RCOR1: variants seen among roughly 807,000 people sequenced by gnomAD.
The protein encoded by RCOR1 is REST corepressor 1.
In RCOR1, 12 loss-of-function variants were observed where a neutral mutation model predicts 64.0. The ratio of observed to expected loss-of-function variants is 0.19; its 90% confidence interval spans 0.12 to 0.30. The LOEUF (loss-of-function observed/expected upper bound fraction) is 0.30, where lower values mean the gene tolerates loss of function less well. Among genes scored for constraint, RCOR1 ranks in the 10% least tolerant of loss-of-function variants. The probability of loss-of-function intolerance (pLI) is 1.00; values close to 1 mark genes in which losing one functional copy is unlikely to be tolerated. For synonymous variants in RCOR1, 279 were observed against 227.2 expected (o/e 1.23, Z -2.05); for missense variants, 502 against 621.2 (o/e 0.81, Z 2.04).
At chr14:102,711,697 A>G (rs547312580) in intron 7 of RCOR1, among the ~76,000 whole-genome samples, 1 of 152,290 alleles carries the variant, frequency 6.6e-6, no homozygotes, top group South Asian at 2.1e-4. Flanking sequence ...TCCAAATTAT[A>G]AGAATAGTTA....
chr14:102,711,478 G>T (rs566459839), intron 7 of RCOR1, among the ~76,000 whole-genome samples: 2 of 152,198 alleles, frequency 1.3e-5, no homozygotes, highest in South Asian at 4.1e-4. Flanking sequence ...GTCACACCAG[G>T]GGGAGCCAGG....
intron 3 of RCOR1, among the ~76,000 whole-genome samples, chr14:102,693,068 C>G (rs1307736044): frequency 6.6e-6 from 1 of 152,184 alleles, no homozygotes; most frequent in African/African-American, 2.4e-5. Flanking sequence ...TCCCAGCCCA[C>G]ATCCCATTCT....
chr14:102,723,028 C>T (rs1896193433), intron 11 of RCOR1, among the ~76,000 whole-genome samples: 1 of 152,190 alleles, frequency 6.6e-6, no homozygotes, highest in African/African-American at 2.4e-5. Context: ...GTGTCAGGGG[C>T]ACCTGCCATT....
intron 2 of RCOR1, among the ~76,000 whole-genome samples, chr14:102,660,830 TTCATC>T (rs1373422690): frequency 6.6e-6 from 1 of 152,190 alleles, no homozygotes; most frequent in African/African-American, 2.4e-5. Context: ...TTTTCATCCT[TTCATC>T]TAAAAACATA....
intron 4 of RCOR1, among the ~76,000 whole-genome samples, chr14:102,702,948 G>A (rs1895779384): frequency 6.6e-6 from 1 of 152,170 alleles, no homozygotes; most frequent in South Asian, 2.1e-4. Context: ...TCTTAAAGAT[G>A]TTTTTAAAGA....
At chr14:102,607,378 A>G (rs1893533312) in intron 2 of RCOR1, among the ~76,000 whole-genome samples, 1 of 152,182 alleles carries the variant, frequency 6.6e-6, no homozygotes, top group Admixed American at 6.6e-5. Flanking sequence ...GAATTTGTAT[A>G]AATTGGAGAT....
intron 2 of RCOR1, among the ~76,000 whole-genome samples, chr14:102,671,339 T>G (rs1463282839): frequency 6.6e-6 from 1 of 152,156 alleles, no homozygotes; most frequent in African/African-American, 2.4e-5. Flanking sequence ...AAGCAGGTGT[T>G]CTAATGGCTG....
Position 102,593,156 on chromosome 14 carries a change from C to G in RCOR1, c.270C>G (p.Gly90=). The G allele has an allele frequency of 6.5e-7, 1 of 1,529,432 alleles. No individual in the cohort carries two copies. 94.7% of individuals were successfully genotyped at this position (1,529,432 alleles called of 1,614,324 possible). The change falls in exon 1 of 12, where the codon GGC becomes GGG. Residue 90 remains glycine (G), a synonymous_variant. Transcript: ENST00000262241. Reference sequence around the variant, plus strand: ...GCAGCAGCAACTCCTGGGAGGAAGGCAGCTCGGGCTCGTCCAGCGACGAGG... The same window carrying G: ...GCAGCAGCAACTCCTGGGAGGAAGGGAGCTCGGGCTCGTCCAGCGACGAGG... ...GNSSSNSWEE[G]SSGSSSDEEH...
intron 4 of RCOR1, among the ~76,000 whole-genome samples, chr14:102,706,145 T>TA (rs1313330045): frequency 3.3e-4 from 21 of 63,870 alleles, no homozygotes; most frequent in South Asian, 2.0e-3. Flanking sequence ...AAAAAAAACC[T>TA]AAAAAAACAG....
At chr14:102,661,049 A>C (rs1894815488) in intron 2 of RCOR1, among the ~76,000 whole-genome samples, 1 of 152,228 alleles carries the variant, frequency 6.6e-6, no homozygotes, top group Non-Finnish European at 1.5e-5. Flanking sequence ...GATCAGTAAC[A>C]GAAAAGTCAG....
chr14:102,663,820 T>C (rs1177182744), intron 2 of RCOR1, among the ~76,000 whole-genome samples: 3 of 152,320 alleles, frequency 2.0e-5, no homozygotes, highest in East Asian at 3.9e-4. Context: ...CGAAATTACA[T>C]TGGTGGTAAA....
intron 2 of RCOR1, among the ~76,000 whole-genome samples, chr14:102,664,346 C>T (rs1349007016): frequency 6.6e-6 from 1 of 152,102 alleles, no homozygotes; most frequent in Non-Finnish European, 1.5e-5. Flanking sequence ...AAATCTTGAC[C>T]TCAAATCGTC....
At chr14:102,623,936 G>A (rs1172701903) in intron 2 of RCOR1, among the ~76,000 whole-genome samples, 2 of 151,722 alleles carry the variant, frequency 1.3e-5, no homozygotes, top group African/African-American at 4.8e-5. Flanking sequence ...GCGGGCACCT[G>A]TAGTCCCAGC....
chr14:102,654,347 G>A (rs768772742), intron 2 of RCOR1, among the ~76,000 whole-genome samples: 4 of 152,026 alleles, frequency 2.6e-5, no homozygotes, highest in Non-Finnish European at 5.9e-5. Context: ...GTAAAATACA[G>A]TTTCCATTTT....
At chr14:102,721,244 G>A (rs1210846896) in intron 9 of RCOR1, 76 bp from the exon 10 acceptor site, 15 of 1,348,026 alleles carry the variant, frequency 1.1e-5, no homozygotes, top group Non-Finnish European at 1.5e-5. Context: ...AAGAGAAAAT[G>A]AAAGGTTCGT....
At chr14:102,670,580 G>T (rs1895013034) in intron 2 of RCOR1, among the ~76,000 whole-genome samples, 1 of 151,736 alleles carries the variant, frequency 6.6e-6, no homozygotes, top group South Asian at 2.1e-4. Context: ...AAGCAAGAAG[G>T]TAGCATTTAA....
intron 2 of RCOR1, among the ~76,000 whole-genome samples, chr14:102,625,007 G>T (rs1323243393): frequency 6.6e-6 from 1 of 151,826 alleles, no homozygotes; most frequent in Non-Finnish European, 1.5e-5. Context: ...TGGGACTACA[G>T]GTGCATGCTA....
At chr14:102,701,784 T>A (rs2139978818) in intron 4 of RCOR1, among the ~76,000 whole-genome samples, 1 of 152,334 alleles carries the variant, frequency 6.6e-6, no homozygotes, top group African/African-American at 2.4e-5. Flanking sequence ...CAGTGGCGCA[T>A]CTCAGCTCAT....
intron 2 of RCOR1, among the ~76,000 whole-genome samples, chr14:102,626,760 C>T (rs957097734): frequency 1.3e-5 from 2 of 152,194 alleles, no homozygotes; most frequent in Admixed American, 1.3e-4. Flanking sequence ...TTCATATGAT[C>T]CTCCCAGATT....
Sources: gnomAD v4.1 joint callset for allele counts (sites outside exome capture counted in the v4.1 genomes callset) on GRCh38, gnomAD v4.1.1 for gene constraint, MANE v1.5 for transcripts, NCBI Gene and HGNC (gene_info 2026-07-23, HGNC 2026-07-21) for gene names.